Variants in FBRSL1 observed in about 807,000 individuals in gnomAD.
The protein encoded by FBRSL1 is fibrosin like 1, also known as fibrosin-1-like protein.
FBRSL1 carries 51 observed loss-of-function variants against 89.6 expected under a neutral mutation model. The ratio of observed to expected loss-of-function variants is 0.57; its 90% CI spans 0.45 to 0.72. The LOEUF is 0.72. Ranked by LOEUF, FBRSL1 falls within the 30% of genes least tolerant of loss-of-function variation. The pLI, the probability that FBRSL1 is intolerant of heterozygous loss-of-function variation, is 0.00. For synonymous variants in FBRSL1, 779 were observed against 681.1 expected, an observed-to-expected ratio of 1.14 and a Z score of -2.24; for missense variants, 1,618 against 1,451.8, an observed-to-expected ratio of 1.11 and a Z score of -1.86.
At chr12:132,493,881 G>C (rs758250530) in intron 1 of FBRSL1, among the ~76,000 whole-genome samples, 12 of 152,234 alleles carry the variant, frequency 7.9e-5, no homozygotes, top group Non-Finnish European at 1.3e-4. Flanking sequence ...TGGTGGTTGT[G>C]GGCTGAGGAG....
chr12:132,534,696 G>A (rs1303216462), intron 4 of FBRSL1, among the ~76,000 whole-genome samples: 1 of 152,242 alleles, frequency 6.6e-6, no homozygotes, highest in Non-Finnish European at 1.5e-5. Flanking sequence ...TGGGCTGGGT[G>A]GAGGGTTCAG....
chr12:132,509,668 G>A (rs968433690), intron 2 of FBRSL1: 1 of 1,231,596 alleles, frequency 8.1e-7, no homozygotes, highest in Admixed American at 4.2e-5. Context: ...CTGGCCCCAA[G>A]GCACCGCTGC....
intron 5 of FBRSL1, among the ~76,000 whole-genome samples, chr12:132,556,759 C>CCT (rs1297252764): frequency 1.2e-5 from 1 of 85,034 alleles, no homozygotes; most frequent in Non-Finnish European, 2.3e-5. Flanking sequence ...TGCACCCCAA[C>CCT]CCCTGTCCTG....
intron 4 of FBRSL1, among the ~76,000 whole-genome samples, chr12:132,532,335 C>T (rs2036357241): frequency 2.6e-5 from 4 of 152,180 alleles, no homozygotes; most frequent in African/African-American, 9.6e-5. Flanking sequence ...TGACTGGGAG[C>T]TGAGACCCTC....
In FBRSL1 at chr12:132,499,856, CCT is replaced by C. The variant is rs2032680722; in HGVS notation, c.292-8294_292-8293del. On this transcript the variant is annotated intron_variant, in intron 1 of 18. Transcript: ENST00000680143. The surrounding 1 kb of genome is among the most constrained non-coding windows in gnomAD (Gnocchi z 4.3). ...CTCAGGAGTGTGAGGGACAGAACGG[CCT>C]CTGAGCCCCAGCTCCGTTGGCGCAG... 6.6e-6 allele frequency among the ~76,000 whole-genome samples: 1 copy of C among 152,126 alleles called. No individual in the cohort carries two copies. The highest frequency in any genetic ancestry group is 2.4e-5 in the African/African-American group (1 of 41,410).
intron 1 of FBRSL1, among the ~76,000 whole-genome samples, chr12:132,498,246 C>A (rs4883527): frequency 1.3e-5 from 2 of 152,114 alleles, no homozygotes; most frequent in Non-Finnish European, 2.9e-5. Flanking sequence ...AGGCCTGTGT[C>A]GGGGGCATGG....
Position 132,583,027 on chromosome 12 carries a change from G to T in FBRSL1, c.2258G>T (p.Gly753Val). The T allele has an allele frequency of 6.9e-7, 1 of 1,456,706 alleles. No individual in the cohort carries two copies. The highest frequency in any genetic ancestry group is 9.0e-7 in the Non-Finnish European group (1 of 1,112,198). The allele number at this position is 1,456,706 out of a possible 1,614,324, so 90.2% of individuals were successfully genotyped here. A position where few individuals can be genotyped will look rare whatever the true frequency, so the allele number is the denominator to read the frequency against. ...LSRASPATPA[G>V]HPVSGLLLRA... ...CGGGCCTCGCCCGCCACCCCCGCTGGCCACCCCGTCAGCGGCCTCCTGCTC... is the reference window on the plus strand; with the variant it reads ...CGGGCCTCGCCCGCCACCCCCGCTGTCCACCCCGTCAGCGGCCTCCTGCTC... Residue 753 changes from glycine to valine, a missense_variant, in exon 19 of 19, where the codon GGC becomes GTC. Physicochemically the swap from Gly to Val is moderately radical, Grantham distance 109. Coordinates refer to ENST00000680143, the MANE Select transcript of FBRSL1 (RefSeq NM_001367871.1).
intron 10 of FBRSL1, 37 bp downstream of exon 10, chr12:132,572,381 G>A: frequency 1.3e-6 from 2 of 1,548,608 alleles, no homozygotes; most frequent in African/African-American, 1.4e-5. Context: ...GTGTCGCTGT[G>A]CACGCAGGTC....
At chr12:132,545,457 C>T (rs1477048118) in intron 4 of FBRSL1, among the ~76,000 whole-genome samples, 5 of 152,264 alleles carry the variant, frequency 3.3e-5, no homozygotes, top group Non-Finnish European at 7.3e-5. Context: ...GCTGACAGTG[C>T]CGTGCTATTT....
rs146754057 is a variant in FBRSL1 at position 132,514,148 on chromosome 12, G to T, written c.489+5798G>T. Among the ~76,000 whole-genome samples the T allele has an allele frequency of 2.8e-4, 42 of 152,330 alleles. 2 individuals carry two copies. Among genetic ancestry groups the T allele is most frequent in the Middle Eastern group, 6.8e-3 (2 of 294 alleles). ...TCTCGCGTCAGGGCTCGGCTCCTCC[G>T]TGTGTGGGGAGACAGGCTGGGATAG... On this transcript the variant is annotated intron_variant, in intron 2 of 18. Transcript: ENST00000680143.
intron 2 of FBRSL1, among the ~76,000 whole-genome samples, chr12:132,521,057 G>A (rs2035307391): frequency 6.6e-6 from 1 of 152,238 alleles, no homozygotes; most frequent in South Asian, 2.1e-4. Flanking sequence ...AGTCCCCTGA[G>A]GCTGCTCAAC....
At chr12:132,521,593 C>A (rs1227366776) in intron 2 of FBRSL1, among the ~76,000 whole-genome samples, 1 of 152,208 alleles carries the variant, frequency 6.6e-6, no homozygotes, top group Non-Finnish European at 1.5e-5. Flanking sequence ...GCCGGCCAGT[C>A]TCAGTTCATG....
intron 4 of FBRSL1, among the ~76,000 whole-genome samples, chr12:132,547,794 C>T (rs1373792231): frequency 1.3e-5 from 2 of 152,178 alleles, no homozygotes; most frequent in African/African-American, 4.8e-5. Context: ...ACCCGGGGGG[C>T]TGTGATCCAG....
At chr12:132,541,757 C>T (rs1593413964) in intron 4 of FBRSL1, among the ~76,000 whole-genome samples, 1 of 152,276 alleles carries the variant, frequency 6.6e-6, no homozygotes, top group Admixed American at 6.5e-5. Context: ...GATTGGAATG[C>T]ATTGCATATC....
chr12:132,501,670 A>G (rs1329333218), intron 1 of FBRSL1, among the ~76,000 whole-genome samples: 2 of 152,112 alleles, frequency 1.3e-5, no homozygotes, highest in African/African-American at 4.8e-5. Flanking sequence ...TGCACGGCCC[A>G]TTCCTGTGCA....
intron 4 of FBRSL1, among the ~76,000 whole-genome samples, chr12:132,535,723 G>A (rs1196022204): frequency 6.6e-6 from 1 of 152,270 alleles, no homozygotes; most frequent in Non-Finnish European, 1.5e-5. Context: ...AGGCTCGCAG[G>A]GCCAGCGGTT....
At position 132,508,006 on chromosome 12, in the gene FBRSL1, G is replaced by A. The variant is rs535032152; in HGVS notation, c.292-147G>A. ...CATCGTCCTTCCCCTCCCATCCCCC[G>A]TCCCACAGCAGCCATCTTCCTTTCC... On this transcript the variant is annotated intron_variant, in intron 1 of 18. Coordinates refer to ENST00000680143, the MANE Select transcript of FBRSL1 (RefSeq NM_001367871.1). 8.5e-5 allele frequency: 65 copies of A among 763,382 alleles called. No individual in the cohort carries two copies. The East Asian group carries it at 9.8e-4, about 12-fold the overall frequency. The allele number at this position is 763,382 out of a possible 1,614,324, so 47.3% of individuals were successfully genotyped here.
In FBRSL1 at chr12:132,570,265, G is replaced by A. The variant is rs191374100; in HGVS notation, c.1007+24G>A. 429 of 1,501,658 alleles carry A rather than the reference G, an allele frequency of 2.9e-4. 2 individuals are homozygous for A. The African/African-American group carries it at 5.6e-3, about 20-fold the overall frequency. The allele number at this position is 1,501,658 out of a possible 1,614,324, so 93.0% of individuals were successfully genotyped here. A position where few individuals can be genotyped will look rare whatever the true frequency, so the allele number is the denominator to read the frequency against. On this transcript the variant is annotated intron_variant, in intron 7 of 18. Transcript: ENST00000680143. ...AGGTGGGGTCCCCGCGGGGGACGGG[G>A]CCTGTGTGGTCTCAGGATGGGGGCT...
intron 18 of FBRSL1, among the ~76,000 whole-genome samples, 183 bp from the exon 19 acceptor site, chr12:132,582,785 GGCC>G (rs2040867870): frequency 6.6e-6 from 1 of 152,114 alleles, no homozygotes; most frequent in South Asian, 2.1e-4. Context: ...AAGGTTTCCA[GGCC>G]GCCCAGCGGG....
Sources: gnomAD v4.1 joint callset for allele counts (sites outside exome capture counted in the v4.1 genomes callset) on GRCh38, gnomAD v4.1.1 for gene constraint, Gnocchi (gnomAD v3.1) non-coding constraint, MANE v1.5 for transcripts, NCBI Gene and HGNC (gene_info 2026-07-23, HGNC 2026-07-21) for gene names.